The following SLC24A2 variants were observed in gnomAD, a reference collection of about 807,000 sequenced individuals.
The protein encoded by SLC24A2 is sodium/potassium/calcium exchanger 2.
A neutral mutation model predicts 62.0 loss-of-function variants in SLC24A2; 36 were observed. The observed-to-expected ratio is 0.58, with a 90% CI of 0.44 to 0.77. The LOEUF (loss-of-function observed/expected upper bound fraction) is 0.77. Ranked by LOEUF, SLC24A2 falls within the 30% of genes least tolerant of loss-of-function variation. SLC24A2 has a pLI of 0.00. For synonymous variants in SLC24A2, 358 were observed against 294.0 expected (o/e 1.22, Z -2.23); for missense variants, 846 against 817.9 (o/e 1.03, Z -0.42).
the SLC24A2 span, among the ~76,000 whole-genome samples, chr9:20,239,714 T>C: frequency 6.6e-6 from 1 of 152,216 alleles, no homozygotes; most frequent in Non-Finnish European, 1.5e-5. Flanking sequence ...TTTAGATACC[T>C]GAACTGTATG....
chr9:19,705,798 C>G (rs1820496910), intron 2 of SLC24A2: 2 of 152,918 alleles, frequency 1.3e-5, no homozygotes, highest in Admixed American at 6.6e-5. Context: ...GTCTGAGAGA[C>G]AGTTTGTTAT....
intron 2 of SLC24A2, among the ~76,000 whole-genome samples, chr9:19,692,046 C>T (rs573910549): frequency 2.6e-5 from 4 of 152,248 alleles, no homozygotes; most frequent in Admixed American, 1.3e-4. Flanking sequence ...TTGTTACCTC[C>T]TGTCTTCAGA....
At chr9:19,763,116 T>A (rs577088622) in intron 2 of SLC24A2, among the ~76,000 whole-genome samples, 2 of 151,952 alleles carry the variant, frequency 1.3e-5, no homozygotes, top group East Asian at 3.9e-4. Flanking sequence ...ATTTGGCTGT[T>A]TGTCTATTAT....
intron 2 of SLC24A2, among the ~76,000 whole-genome samples, chr9:19,749,644 G>A (rs1289852093): frequency 1.3e-5 from 2 of 152,164 alleles, no homozygotes; most frequent in East Asian, 3.9e-4. Context: ...AGCTAAATTT[G>A]CATTGCAGAT....
the SLC24A2 span, among the ~76,000 whole-genome samples, chr9:20,222,477 G>T: frequency 6.6e-6 from 1 of 151,968 alleles, no homozygotes. Context: ...TTCTGTTTTA[G>T]AGAATAAAAG....
chr9:20,232,280 C>G, the SLC24A2 span, among the ~76,000 whole-genome samples: 1 of 152,104 alleles, frequency 6.6e-6, no homozygotes, highest in African/African-American at 2.4e-5. Context: ...CCTTCTTTTT[C>G]TATTGATTGG....
chr9:20,197,062 T>C, the SLC24A2 span, among the ~76,000 whole-genome samples: 1 of 152,226 alleles, frequency 6.6e-6, no homozygotes, highest in African/African-American at 2.4e-5. Context: ...TGGATTAGGT[T>C]GTCTCTGTTT....
chr9:19,592,865 A>G (rs1445039335), intron 5 of SLC24A2, among the ~76,000 whole-genome samples: 1 of 152,226 alleles, frequency 6.6e-6, no homozygotes, highest in Admixed American at 6.5e-5. Flanking sequence ...GTATCACTGT[A>G]TGAGAAGATA....
chr9:20,203,469 A>C, the SLC24A2 span, among the ~76,000 whole-genome samples: 1 of 152,296 alleles, frequency 6.6e-6, no homozygotes, highest in South Asian at 2.1e-4. Context: ...AAGCCGCTTA[A>C]GCTCTCAGGA....
the SLC24A2 span, among the ~76,000 whole-genome samples, chr9:19,809,240 T>A: frequency 6.6e-6 from 1 of 152,270 alleles, no homozygotes; most frequent in South Asian, 2.1e-4. Flanking sequence ...TTAAAATCCA[T>A]CAACAGTGGA....
chr9:20,256,459 A>C, the SLC24A2 span, among the ~76,000 whole-genome samples: 1 of 152,172 alleles, frequency 6.6e-6, no homozygotes, highest in Non-Finnish European at 1.5e-5. Flanking sequence ...CAGGAAGTAG[A>C]GTGTCTGGGC....
the SLC24A2 span, among the ~76,000 whole-genome samples, chr9:20,102,966 T>C: frequency 0.11 from 16,938 of 152,180 alleles, 1,014 homozygotes; most frequent in Middle Eastern, 0.17. Flanking sequence ...TGACAGACGG[T>C]ACCTGGAAAA....
intron 2 of SLC24A2, among the ~76,000 whole-genome samples, chr9:19,655,618 G>A (rs1478978610): frequency 6.6e-6 from 1 of 152,156 alleles, no homozygotes; most frequent in Non-Finnish European, 1.5e-5. Flanking sequence ...GATGAGGCTG[G>A]ATAAATAAGG....
At chr9:19,521,320 G>T (rs1219264424) in intron 9 of SLC24A2, among the ~76,000 whole-genome samples, 1 of 152,192 alleles carries the variant, frequency 6.6e-6, no homozygotes, top group Non-Finnish European at 1.5e-5. Flanking sequence ...CTAGAGTGTA[G>T]CCTTTATATG....
intron 7 of SLC24A2, among the ~76,000 whole-genome samples, chr9:19,553,628 C>A (rs1215095976): frequency 1.3e-5 from 2 of 152,136 alleles, no homozygotes; most frequent in African/African-American, 4.8e-5. Context: ...GCATGCTGGG[C>A]AGAGTAGGTG....
the SLC24A2 span, among the ~76,000 whole-genome samples, chr9:19,892,381 TC>T: frequency 6.6e-6 from 1 of 152,258 alleles, no homozygotes; most frequent in Non-Finnish European, 1.5e-5. Flanking sequence ...GTCTGTTTTA[TC>T]CCTCTCTCCC....
the SLC24A2 span, among the ~76,000 whole-genome samples, chr9:20,218,520 T>TCC: frequency 6.6e-6 from 1 of 152,172 alleles, no homozygotes; most frequent in Non-Finnish European, 1.5e-5. Context: ...CTCTACTCTA[T>TCC]ATCTAGAATG....
chr9:19,584,273 T>TAAAAAAAAAAAAAAAAAAAAAAA (rs5896848), intron 5 of SLC24A2, among the ~76,000 whole-genome samples: 12 of 119,932 alleles, frequency 1.0e-4, no homozygotes, highest in Non-Finnish European at 1.4e-4. Context: ...TAGCAAATAG[T>TAAAAAAAAAAAAAAAAAAAAAAA]AAAAAAAAAA....
the SLC24A2 span, among the ~76,000 whole-genome samples, chr9:20,050,847 T>C: frequency 2.0e-5 from 3 of 152,132 alleles, no homozygotes; most frequent in Non-Finnish European, 4.4e-5. Flanking sequence ...CCTGTTGTAA[T>C]GATGTCACGA....
Sources: allele counts gnomAD v4.1 joint callset (sites outside exome capture counted in the v4.1 genomes callset), GRCh38; gene constraint gnomAD v4.1.1; transcripts MANE v1.5; gene names NCBI Gene and HGNC (gene_info 2026-07-23, HGNC 2026-07-21).